CDH13: variants seen among roughly 807,000 people sequenced by gnomAD.
CDH13 encodes the protein cadherin 13, also known as cadherin-13.
Under a neutral mutation model 63.8 loss-of-function variants are expected in CDH13, and 24 were observed. The observed-to-expected ratio is 0.38, with a 90% CI of 0.27 to 0.53. The LOEUF (loss-of-function observed/expected upper bound fraction) is 0.53. CDH13 is among the 20% of genes least tolerant of loss of function. The probability of loss-of-function intolerance (pLI) is 0.85; values close to 1 mark genes in which losing one functional copy is unlikely to be tolerated. For synonymous variants in CDH13, 503 were observed against 355.3 expected, an observed-to-expected ratio of 1.42 and a Z score of -4.67; for missense variants, 1,049 against 903.1, an observed-to-expected ratio of 1.16 and a Z score of -2.07.
intron 5 of CDH13, among the ~76,000 whole-genome samples, chr16:83,304,401 G>A (rs1015468279): frequency 6.6e-6 from 1 of 152,108 alleles, no homozygotes; most frequent in South Asian, 2.1e-4. Flanking sequence ...AAGTGGGTGG[G>A]TTGGGGAATG....
At chr16:83,250,563 A>G (rs1008063526) in intron 5 of CDH13, among the ~76,000 whole-genome samples, 3 of 152,184 alleles carry the variant, frequency 2.0e-5, no homozygotes, top group Non-Finnish European at 4.4e-5. Flanking sequence ...ATGCAGAGGT[A>G]TGCACTGAGA....
intron 1 of CDH13, among the ~76,000 whole-genome samples, chr16:82,828,081 G>A (rs894782257): frequency 2.6e-5 from 4 of 152,150 alleles, no homozygotes; most frequent in African/African-American, 9.7e-5. Context: ...AGCACTTTCT[G>A]GATGGGTTGA....
intron 1 of CDH13, among the ~76,000 whole-genome samples, chr16:82,741,817 T>A (rs1436488624): frequency 6.6e-6 from 1 of 152,210 alleles, no homozygotes; most frequent in Non-Finnish European, 1.5e-5. Flanking sequence ...GAAAAAAACA[T>A]GGATATCTGG....
intron 6 of CDH13, among the ~76,000 whole-genome samples, chr16:83,443,184 A>AG (rs1365354333): frequency 6.6e-6 from 1 of 152,206 alleles, no homozygotes; most frequent in South Asian, 2.1e-4. Flanking sequence ...AGAATGTGAT[A>AG]GGGTGGGTGA....
At chr16:83,367,469 T>G (rs568168402) in intron 6 of CDH13, among the ~76,000 whole-genome samples, 100 of 152,362 alleles carry the variant, frequency 6.6e-4, no homozygotes, top group Non-Finnish European at 1.2e-3. Context: ...TGTGTAAGTT[T>G]CCTGTGGATA....
chr16:82,810,997 G>C (rs2037413843), intron 1 of CDH13, among the ~76,000 whole-genome samples: 1 of 152,088 alleles, frequency 6.6e-6, no homozygotes, highest in Admixed American at 6.5e-5. Flanking sequence ...TGAAGCCTGG[G>C]CAGTCCATCT....
At chr16:83,211,280 A>G (rs905962267) in intron 4 of CDH13, among the ~76,000 whole-genome samples, 1 of 152,220 alleles carries the variant, frequency 6.6e-6, no homozygotes, top group African/African-American at 2.4e-5. Flanking sequence ...TAAGATGTCA[A>G]CATTAGGGGA....
intron 2 of CDH13, among the ~76,000 whole-genome samples, chr16:82,893,252 CAT>C (rs1264263776): frequency 6.6e-6 from 1 of 152,190 alleles, no homozygotes. Flanking sequence ...AATACATACA[CAT>C]ATGTGTTGGC....
chr16:83,027,615 A>G (rs552629192), intron 2 of CDH13, among the ~76,000 whole-genome samples: 2 of 152,208 alleles, frequency 1.3e-5, no homozygotes, highest in Non-Finnish European at 2.9e-5. Flanking sequence ...ATGAAGATCC[A>G]TAATTATATG....
At chr16:83,144,676 T>C (rs1374321473) in intron 4 of CDH13, among the ~76,000 whole-genome samples, 3 of 152,212 alleles carry the variant, frequency 2.0e-5, no homozygotes, top group Non-Finnish European at 4.4e-5. Flanking sequence ...TATCTCTCTA[T>C]TTTTTTCCCT....
chr16:83,201,743 T>A (rs868271478), intron 4 of CDH13, among the ~76,000 whole-genome samples: 2,683 of 146,540 alleles, frequency 0.018, 77 homozygotes, highest in African/African-American at 0.065. Flanking sequence ...TAAAAAAAAA[T>A]TAAAAAAAAA....
At chr16:83,323,695 G>A (rs772735383) in intron 5 of CDH13, among the ~76,000 whole-genome samples, 12 of 152,176 alleles carry the variant, frequency 7.9e-5, no homozygotes, top group Non-Finnish European at 1.5e-4. Flanking sequence ...TGAATAAGCA[G>A]TTTTCTTCAC....
intron 7 of CDH13, among the ~76,000 whole-genome samples, chr16:83,601,047 C>T (rs1907740601): frequency 6.6e-6 from 1 of 152,174 alleles, no homozygotes; most frequent in African/African-American, 2.4e-5. Context: ...AACTGTCAAA[C>T]ACAGGGCCTG....
intron 10 of CDH13, among the ~76,000 whole-genome samples, chr16:83,702,406 C>T (rs1466971584): frequency 6.6e-6 from 1 of 152,156 alleles, no homozygotes; most frequent in Non-Finnish European, 1.5e-5. Flanking sequence ...AGATCCTTGG[C>T]ACCTTCCATT....
At chr16:83,552,918 A>C (rs1018476153) in intron 7 of CDH13, among the ~76,000 whole-genome samples, 2 of 152,138 alleles carry the variant, frequency 1.3e-5, no homozygotes, top group Admixed American at 6.5e-5. Context: ...GTCTCTACTA[A>C]AATGACAAAA....
intron 3 of CDH13, among the ~76,000 whole-genome samples, chr16:83,108,615 C>G (rs187266153): frequency 1.3e-5 from 2 of 152,066 alleles, no homozygotes; most frequent in African/African-American, 2.4e-5. Context: ...AAGAGTTGGT[C>G]GGGAAAGGGT....
At chr16:82,726,229 G>A (rs983164587) in intron 1 of CDH13, among the ~76,000 whole-genome samples, 1 of 152,152 alleles carries the variant, frequency 6.6e-6, no homozygotes, top group Non-Finnish European at 1.5e-5. Context: ...GTGGTTTGGA[G>A]CAGGTGTTGG....
At chr16:82,694,353 C>T (rs2150981481) in intron 1 of CDH13, among the ~76,000 whole-genome samples, 1 of 152,316 alleles carries the variant, frequency 6.6e-6, no homozygotes, top group South Asian at 2.1e-4. Context: ...ACCACCCCAA[C>T]ATTTTTTTAT....
chr16:83,725,003 G>A (rs1481983476), intron 10 of CDH13, among the ~76,000 whole-genome samples: 1 of 152,146 alleles, frequency 6.6e-6, no homozygotes, highest in East Asian at 1.9e-4. Context: ...CAGTCACCAC[G>A]ACACATATGG....
Sources: allele counts gnomAD v4.1 joint callset (sites outside exome capture counted in the v4.1 genomes callset), GRCh38; gene constraint gnomAD v4.1.1; transcripts MANE v1.5; gene names NCBI Gene and HGNC (gene_info 2026-07-23, HGNC 2026-07-21).